Variants in IL1RL1 observed in about 807,000 individuals in gnomAD.
IL1RL1 encodes the protein interleukin 1 receptor like 1.
In IL1RL1, 32 loss-of-function variants were observed where a neutral mutation model predicts 50.9. The ratio of observed to expected loss-of-function variants is 0.63; its 90% CI spans 0.47 to 0.84. The LOEUF (loss-of-function observed/expected upper bound fraction) is 0.84. IL1RL1 is among the 40% of genes least tolerant of loss of function. IL1RL1 has a pLI of 0.00. For synonymous variants in IL1RL1, 275 were observed against 236.0 expected, an observed-to-expected ratio of 1.17 and a Z score of -1.51; for missense variants, 773 against 662.9, an observed-to-expected ratio of 1.17 and a Z score of -1.82.
At position 102,319,375 on chromosome 2, in the gene IL1RL1, A is replaced by G. The variant is rs560403597; in HGVS notation, c.-150+7752A>G. On this transcript the variant is annotated intron_variant, in intron 1 of 10. Coordinates refer to ENST00000233954, the MANE Select transcript of IL1RL1 (RefSeq NM_016232.5). ...CTTTGATGGAACAATTTTTTTAGAT[A>G]CAAATATTGTCAATGAGAACAATTA... Among the ~76,000 whole-genome samples, 228 of 152,338 alleles carry G rather than the reference A, an allele frequency of 1.5e-3. 1 individual carries two copies. Among genetic ancestry groups the G allele is most frequent in the Non-Finnish European group, 2.8e-3 (192 of 68,030 alleles).
intron 8 of IL1RL1, among the ~76,000 whole-genome samples, chr2:102,346,700 C>T (rs956213352): frequency 2.0e-5 from 3 of 152,158 alleles, no homozygotes; most frequent in Non-Finnish European, 4.4e-5. Flanking sequence ...ACAGTAAGCT[C>T]TTTGTCAATT....
chr2:102,344,886 T>C, intron 8 of IL1RL1: 1 of 973,442 alleles, frequency 1.0e-6, no homozygotes, highest in Non-Finnish European at 1.2e-6. Context: ...CAGTTTTTTC[T>C]GAATCTAGCA....
intron 1 of IL1RL1, among the ~76,000 whole-genome samples, chr2:102,334,080 A>C (rs1053231450): frequency 7.9e-5 from 12 of 152,024 alleles, no homozygotes; most frequent in African/African-American, 2.4e-5. Context: ...TTTATACACT[A>C]ATTTCTTTTC....
intron 8 of IL1RL1, chr2:102,345,815 G>C (rs545385365): frequency 4.1e-6 from 4 of 985,342 alleles, no homozygotes; most frequent in Non-Finnish European, 4.8e-6. Context: ...ACCCCATCAA[G>C]GTGCTATGTG....
intron 9 of IL1RL1, among the ~76,000 whole-genome samples, chr2:102,348,539 G>C (rs918459759): frequency 1.3e-5 from 2 of 152,182 alleles, no homozygotes; most frequent in Non-Finnish European, 2.9e-5. Flanking sequence ...AGGCACACAA[G>C]CATGTGCATG....
At chr2:102,345,943 C>A (rs529838856) in intron 8 of IL1RL1, 4 of 985,448 alleles carry the variant, frequency 4.1e-6, no homozygotes, top group East Asian at 2.3e-4. Context: ...ATCAATGTCC[C>A]TGGTTACCTA....
In IL1RL1 at chr2:102,317,751, A is replaced by G. The variant is rs1573128043; in HGVS notation, c.-150+6128A>G. ...TAGACCATTCAGTGTGTTGCAAGTT[A>G]TAAATGCCATGGAGGAAAAAAATCA... On this transcript the variant is annotated intron_variant, in intron 1 of 10. Transcript: ENST00000233954. Among the ~76,000 whole-genome samples the G allele has an allele frequency of 2.0e-5, 3 of 152,294 alleles. No homozygotes were observed. The East Asian group carries it at 5.8e-4, about 29-fold the overall frequency.
intron 8 of IL1RL1, chr2:102,343,843 C>T: frequency 9.9e-7 from 1 of 1,012,712 alleles, no homozygotes; most frequent in Non-Finnish European, 1.2e-6. Context: ...ATAATGAACA[C>T]TCATTTTGTT....
At chr2:102,345,861 C>A (rs1573160752) in intron 8 of IL1RL1, 2 of 985,294 alleles carry the variant, frequency 2.0e-6, no homozygotes, top group East Asian at 2.3e-4. Context: ...GCCCAGTAGA[C>A]CCTGCAGCCA....
chr2:102,318,398 A>G (rs1176680296), intron 1 of IL1RL1, among the ~76,000 whole-genome samples: 2 of 148,288 alleles, frequency 1.3e-5, no homozygotes, highest in Non-Finnish European at 2.9e-5. Flanking sequence ...TGTGCAGCTG[A>G]AAAAAGATGA....
At chr2:102,344,495 G>A in intron 8 of IL1RL1, 1 of 317,838 alleles carries the variant, frequency 3.1e-6, no homozygotes, top group South Asian at 1.2e-4. Context: ...TTGGCCCTCA[G>A]TTTGCAGTAT....
In IL1RL1 at chr2:102,347,953, C is replaced by A. The variant is rs775650722; in HGVS notation, c.979C>A (p.His327Asn). Residue 327 changes from histidine (H) to asparagine (N), a missense_variant, in exon 9 of 11, where the codon CAT becomes AAT. Coordinates refer to ENST00000233954, the MANE Select transcript of IL1RL1 (RefSeq NM_016232.5). ...TTCTTTCTTTTGAATAGTTGATCAT[C>A]ATAGCATCTACTGCATAATTGCAGT... ...RLSRKNPIDH[H>N]SIYCIIAVCS... 6.0e-6 allele frequency: 9 copies of A among 1,500,656 alleles called. No individual in the cohort carries two copies. Among genetic ancestry groups the A allele is most frequent in the Admixed American group, 1.7e-5 (1 of 59,552 alleles). 93.0% of individuals were successfully genotyped at this position (1,500,656 alleles called of 1,614,324 possible). A position where few individuals can be genotyped will look rare whatever the true frequency, so the allele number is the denominator to read the frequency against.
In IL1RL1 at chr2:102,340,118, G is replaced by T. The variant is rs887401235; in HGVS notation, c.293G>T (p.Gly98Val). Residue 98 changes from glycine (G) to valine (V), a missense_variant, in exon 4 of 11, where the codon GGA becomes GTA. Transcript: ENST00000233954. ...IVRSPTFNRT[G>V]YANVTIYKKQ... ...AACAGTCCCACATTCAATAGGACTG[G>T]ATATGCGAATGTCACCATATATAAA... 3 of 1,572,964 alleles carry T rather than the reference G, an allele frequency of 1.9e-6. No individual in the cohort carries two copies. The South Asian group carries it at 3.5e-5, about 18-fold the overall frequency.
rs530667407 is a variant in IL1RL1, at chr2:102,345,477, T to G, written c.970+2062T>G. On this transcript the variant is annotated intron_variant, in intron 8 of 10. Coordinates refer to ENST00000233954, the MANE Select transcript of IL1RL1 (RefSeq NM_016232.5). ...GAAATTGTTTAATGTGCCTGTCAAA[T>G]AGCCAAAGAGTGTTAAACCCTGAGT... is the stretch of plus-strand genomic sequence containing the variant. The G allele has an allele frequency of 5.1e-6, 5 of 985,414 alleles. No individual in the cohort carries two copies. The East Asian group carries it at 5.7e-4, about 112-fold the overall frequency. The allele number at this position is 985,414 out of a possible 1,614,324, so 61.0% of individuals were successfully genotyped here. A position where few individuals can be genotyped will look rare whatever the true frequency, so the allele number is the denominator to read the frequency against.
rs1419652081 is a variant in IL1RL1 at position 102,311,625 on chromosome 2, TA to T, written c.-150+4del. 6.7e-6 allele frequency: 1 copy of T among 150,080 alleles called. No individual in the cohort carries two copies. The highest frequency in any genetic ancestry group is 6.8e-5 in the Admixed American group (1 of 14,726). 9.3% of individuals were successfully genotyped at this position (150,080 alleles called of 1,614,324 possible). ...GAACTCAAGTACAACCCAATGAGGG[TA>T]AGTGGCTTTGGGGTATTTTTCAAAA... On this transcript the variant is annotated splice_donor_region_variant and intron_variant, in intron 1 of 10. Transcript: ENST00000233954.
intron 6 of IL1RL1, among the ~76,000 whole-genome samples, chr2:102,342,803 A>G (rs914342208): frequency 3.3e-5 from 5 of 152,138 alleles, no homozygotes; most frequent in Admixed American, 6.6e-5. Context: ...TTTCCCATGC[A>G]GATGAGAATA....
chr2:102,334,318 C>G, intron 1 of IL1RL1, among the ~76,000 whole-genome samples: 1 of 151,980 alleles, frequency 6.6e-6, no homozygotes, highest in Non-Finnish European at 1.5e-5. Context: ...TTGGGTGAAG[C>G]AAGAAGGAGT....
At chr2:102,343,538 C>T (rs1262164827) in intron 8 of IL1RL1, 123 bp downstream of exon 8, 2 of 1,580,212 alleles carry the variant, frequency 1.3e-6, no homozygotes, top group Admixed American at 3.5e-5. Flanking sequence ...AAATGTGCTT[C>T]TCTTCTTCGG....
intron 1 of IL1RL1, among the ~76,000 whole-genome samples, chr2:102,319,514 G>A (rs11693204): frequency 0.22 from 33,861 of 152,098 alleles, 4,504 homozygotes; most frequent in East Asian, 0.39. Context: ...AAATGTACAT[G>A]TAGGTGTGGA....
Sources: allele counts gnomAD v4.1 joint callset (sites outside exome capture counted in the v4.1 genomes callset), GRCh38; gene constraint gnomAD v4.1.1; transcripts MANE v1.5; gene names NCBI Gene and HGNC (gene_info 2026-07-23, HGNC 2026-07-21).